The following JMJD6 variants were observed in gnomAD, a reference collection of about 807,000 sequenced individuals.
The protein encoded by JMJD6 is bifunctional arginine demethylase and lysyl-hydroxylase JMJD6.
JMJD6 carries 17 observed loss-of-function variants against 45.8 expected under a neutral mutation model. The observed-to-expected ratio is 0.37, with a 90% CI of 0.25 to 0.56. The LOEUF (loss-of-function observed/expected upper bound fraction) is 0.56, where lower values mean the gene tolerates loss of function less well. Among genes scored for constraint, JMJD6 ranks in the 20% least tolerant of loss-of-function variants. JMJD6 has a pLI of 0.79. For missense variants in JMJD6, 470 were observed against 517.5 expected (o/e 0.91, Z 0.89); for synonymous variants, 221 against 196.3 (o/e 1.13, Z -1.05).
intron 1 of JMJD6, 109 bp from the exon 2 acceptor site, chr17:76,725,964 T>G (rs900135517): frequency 1.5e-6 from 2 of 1,345,048 alleles, no homozygotes; most frequent in Non-Finnish European, 2.0e-6. Context: ...GGAAGTTGAC[T>G]CTCGTCTGGC....
At chr17:76,721,495 A>C in intron 4 of JMJD6, 1 of 390,632 alleles carries the variant, frequency 2.6e-6, no homozygotes, top group Non-Finnish European at 4.8e-6. Context: ...AAATGATTTT[A>C]GCTAGCGCTA....
chr17:76,717,718 T>C (rs763548376), downstream of JMJD6, among the ~76,000 whole-genome samples: 24 of 151,744 alleles, frequency 1.6e-4, no homozygotes, highest in African/African-American at 4.1e-4. Context: ...TGGCCGGGCA[T>C]GGTGGCTCAC....
downstream of JMJD6, chr17:76,716,729 A>T: frequency 6.2e-7 from 1 of 1,614,128 alleles, no homozygotes; most frequent in Non-Finnish European, 8.5e-7. Flanking sequence ...AATCCTGCCA[A>T]GGAAAGCACA....
In JMJD6 at chr17:76,726,377, C is replaced by T; in HGVS notation, c.99G>A (p.Glu33=). The change falls in exon 1 of 6, where the codon GAG becomes GAA. Residue 33 remains glutamate (E), a synonymous_variant. Coordinates refer to ENST00000397625, the MANE Select transcript of JMJD6 (RefSeq NM_015167.3). ...SLDWTRHNYY[E]SFSLSPAAVA... is the part of the protein sequence containing the mutation. ...CGGCCGCCGGGCTCAGCGAGAAGCT[C>T]TCGTAGTAGTTGTGCCGGGTCCAAT... 6.2e-7 allele frequency: 1 copy of T among 1,602,380 alleles called. No individual in the cohort carries two copies.
chr17:76,722,325 C>CT (rs2076835652), intron 3 of JMJD6, among the ~76,000 whole-genome samples: 1 of 152,246 alleles, frequency 6.6e-6, no homozygotes, highest in Non-Finnish European at 1.5e-5. Flanking sequence ...AGGACACCTA[C>CT]TTTAAATACA....
At chr17:76,715,202 G>T (rs904930232), downstream of JMJD6, 1 of 152,182 alleles carries the variant, frequency 6.6e-6, no homozygotes, top group African/African-American at 2.4e-5. Context: ...TAAAAAGCAG[G>T]AGTAGCAACA....
Position 76,721,840 on chromosome 17 carries a change from T to G in JMJD6, c.899A>C (p.Lys300Thr). Residue 300 changes from lysine (K) to threonine (T), a missense_variant, in exon 4 of 6, where the codon AAG becomes ACG. Physicochemically the swap from Lys to Thr is moderately conservative, Grantham distance 78. Around this residue, in one of 4 missense-constraint regions of JMJD6, gnomAD observed 58 missense variants for 103.9 expected, o/e 0.56. Coordinates refer to ENST00000397625, the MANE Select transcript of JMJD6 (RefSeq NM_015167.3). ...SSTNFPVVWH[K>T]TVRGRPKLSR... ...TAACTTTGGTCTCCCTCTTACCGTC[T>G]TGTGCCATACCACAGGGAAGTTGGT... 6.2e-7 allele frequency: 1 copy of G among 1,614,224 alleles called. No individual in the cohort carries two copies. Among genetic ancestry groups the G allele is most frequent in the Non-Finnish European group, 8.5e-7 (1 of 1,180,032 alleles).
intron 4 of JMJD6, chr17:76,721,512 AAAAACAAAACAC>A (rs1207093580): frequency 9.3e-6 from 4 of 431,392 alleles, no homozygotes; most frequent in African/African-American, 2.0e-5. Context: ...GCTAGCTTTG[AAAAACAAAACAC>A]AAAACAAAAC....
chr17:76,718,599 G>A lies in JMJD6; in HGVS notation c.*130C>T, dbSNP rs774063528. Reference sequence around the variant, plus strand: ...GCAAACGCTAAGTGAATGGGTTCCCGTGCCGAGGGTGTCCTCATTCTTGGG... The same window carrying A: ...GCAAACGCTAAGTGAATGGGTTCCCATGCCGAGGGTGTCCTCATTCTTGGG... On this transcript the variant is annotated 3_prime_UTR_variant, in exon 6 of 6. Coordinates refer to ENST00000397625, the MANE Select transcript of JMJD6 (RefSeq NM_015167.3). 66 of 1,464,882 alleles carry A rather than the reference G, an allele frequency of 4.5e-5. No homozygotes were observed. Among genetic ancestry groups the A allele is most frequent in the East Asian group, 1.5e-4 (6 of 40,382 alleles). 90.7% of individuals were successfully genotyped at this position (1,464,882 alleles called of 1,614,324 possible).
downstream of JMJD6, chr17:76,716,552 G>A (rs944286782): frequency 1.0e-4 from 82 of 792,344 alleles, no homozygotes; most frequent in Admixed American, 1.5e-4. Context: ...GAAGATAGGA[G>A]CTTGGACCAG....
At chr17:76,726,229 G>C (rs1357668410) in intron 1 of JMJD6, 118 bp downstream of exon 1, 1 of 1,331,158 alleles carries the variant, frequency 7.5e-7, no homozygotes, top group South Asian at 1.5e-5. Context: ...CGGGGTGCGG[G>C]TGAGCCTCTA....
At chr17:76,723,498 T>C in intron 3 of JMJD6, among the ~76,000 whole-genome samples, 1 of 151,294 alleles carries the variant, frequency 6.6e-6, no homozygotes. Context: ...TGGAGTGCAG[T>C]GGCACGATCT....
intron 4 of JMJD6, 38 bp from the exon 5 acceptor site, chr17:76,720,536 G>A (rs1355332271): frequency 9.3e-6 from 15 of 1,606,136 alleles, no homozygotes; most frequent in Non-Finnish European, 1.3e-5. Context: ...TGCACTGACA[G>A]CCATACCCAC....
rs1417775841 is a variant in JMJD6 at position 76,726,532 on chromosome 17, C to G, written c.-57G>C. 5 of 1,540,342 alleles carry G rather than the reference C, an allele frequency of 3.2e-6. No homozygotes were observed. The African/African-American group carries it at 7.1e-5, about 22-fold the overall frequency. On this transcript the variant is annotated 5_prime_UTR_variant, in exon 1 of 6. Transcript: ENST00000397625. ...CCTCGGCGCAGCCCGCTTCCTGACA[C>G]TAACGCACCCCTCCCCGGCCTGGGC... is the stretch of plus-strand genomic sequence containing the variant.
At chr17:76,715,253 T>C (rs1200524902), downstream of JMJD6, 2 of 152,172 alleles carry the variant, frequency 1.3e-5, no homozygotes, top group African/African-American at 2.4e-5. Flanking sequence ...CATTCAGAGT[T>C]TGACTTTACT....
chr17:76,725,938 G>T, intron 1 of JMJD6, 83 bp from the exon 2 acceptor site: 1 of 1,459,248 alleles, frequency 6.9e-7, no homozygotes, highest in Non-Finnish European at 9.1e-7. Context: ...AGGCCAACTG[G>T]TAATGACAAA....
rs767725014 is a variant in JMJD6 at position 76,718,691 on chromosome 17, C to T, written c.*38G>A. The T allele has an allele frequency of 2.1e-5, 33 of 1,604,650 alleles. No individual in the cohort carries two copies. Among genetic ancestry groups the T allele is most frequent in the South Asian group, 3.4e-5 (3 of 89,476 alleles). On this transcript the variant is annotated 3_prime_UTR_variant, in exon 6 of 6. Transcript: ENST00000397625. Reference sequence around the variant, plus strand: ...CCCTCCCCAGGCCCTGCCCTTGCCGCGAGCGTGTCCTTCCATACAGACAAC... The same window carrying T: ...CCCTCCCCAGGCCCTGCCCTTGCCGTGAGCGTGTCCTTCCATACAGACAAC...
chr17:76,718,601 G>A lies in JMJD6; in HGVS notation c.*128C>T, dbSNP rs902539847. 3.4e-6 allele frequency: 5 copies of A among 1,471,596 alleles called. No individual in the cohort carries two copies. The African/African-American group carries it at 5.7e-5, about 17-fold the overall frequency. 91.2% of individuals were successfully genotyped at this position (1,471,596 alleles called of 1,614,324 possible). On this transcript the variant is annotated 3_prime_UTR_variant, in exon 6 of 6. Coordinates refer to ENST00000397625, the MANE Select transcript of JMJD6 (RefSeq NM_015167.3). ...AAACGCTAAGTGAATGGGTTCCCGTGCCGAGGGTGTCCTCATTCTTGGGCT... is the reference window on the plus strand; with the variant it reads ...AAACGCTAAGTGAATGGGTTCCCGTACCGAGGGTGTCCTCATTCTTGGGCT...
Position 76,726,554 on chromosome 17 carries a change from G to A in JMJD6, c.-79C>T. On this transcript the variant is annotated 5_prime_UTR_variant, in exon 1 of 6. Transcript: ENST00000397625. ...ACACTAACGCACCCCTCCCCGGCCT[G>A]GGCGGCGGCGACGGCAGTACCCAAA... 6.7e-7 allele frequency: 1 copy of A among 1,494,830 alleles called. No homozygotes were observed. Among genetic ancestry groups the A allele is most frequent in the Admixed American group, 2.3e-5 (1 of 43,152 alleles). The allele number at this position is 1,494,830 out of a possible 1,614,324, so 92.6% of individuals were successfully genotyped here. A position where few individuals can be genotyped will look rare whatever the true frequency, so the allele number is the denominator to read the frequency against.
Sources: allele counts gnomAD v4.1 joint callset (sites outside exome capture counted in the v4.1 genomes callset), GRCh38; gene constraint gnomAD v4.1.1; regional missense constraint gnomAD v4.1.1; transcripts MANE v1.5; gene names NCBI Gene and HGNC (gene_info 2026-07-23, HGNC 2026-07-21).